SLC43A2: variants seen among roughly 807,000 people sequenced by gnomAD.
SLC43A2 encodes the protein large neutral amino acids transporter small subunit 4.
A neutral mutation model predicts 63.2 loss-of-function variants in SLC43A2; 38 were observed. The ratio of observed to expected loss-of-function variants is 0.60; its 90% CI spans 0.46 to 0.79. The LOEUF is 0.79. Among genes scored for constraint, SLC43A2 ranks in the 30% least tolerant of loss-of-function variants. The probability of loss-of-function intolerance (pLI) is 0.00; values close to 1 mark genes in which losing one functional copy is unlikely to be tolerated. For missense variants in SLC43A2, 644 were observed against 756.2 expected, an observed-to-expected ratio of 0.85 and a Z score of 1.74; for synonymous variants, 322 against 331.0, an observed-to-expected ratio of 0.97 and a Z score of 0.30.
chr17:1,600,838 GT>G lies in SLC43A2; in HGVS notation c.502-7560del, dbSNP rs111474628. Reference sequence around the variant, plus strand: ...CTCTCAAAGTGTTGGGATGACAGGCGTGAACCATTGCGCCCAGACTTTTTTT... The same window carrying G: ...CTCTCAAAGTGTTGGGATGACAGGCGGAACCATTGCGCCCAGACTTTTTTT... On this transcript the variant is annotated intron_variant, in intron 5 of 13. Transcript: ENST00000301335. 9.9e-3 allele frequency among the ~76,000 whole-genome samples: 1,500 copies of G among 151,432 alleles called. 35 individuals are homozygous for G. Among genetic ancestry groups the G allele is most frequent in the African/African-American group, 0.034 (1,395 of 41,090 alleles).
rs2075955913 is a variant in SLC43A2, at chr17:1,577,717, G to C, written c.1424+533C>G. On this transcript the variant is annotated intron_variant, in intron 12 of 13. Coordinates refer to ENST00000301335, the MANE Select transcript of SLC43A2 (RefSeq NM_152346.3). This position sits in a 1 kb window ranked among gnomAD's most constrained non-coding sequence, Gnocchi z 4.9. ...CACTGTGGTTCCTTTTATGTTTCTGGGGCTTCTTGGAAAAAGATACAGGTT... is the reference window on the plus strand; with the variant it reads ...CACTGTGGTTCCTTTTATGTTTCTGCGGCTTCTTGGAAAAAGATACAGGTT... 1.3e-5 allele frequency among the ~76,000 whole-genome samples: 2 copies of C among 152,168 alleles called. No individual in the cohort carries two copies. The highest frequency in any genetic ancestry group is 2.9e-5 in the Non-Finnish European group (2 of 68,030).
rs761337650 is a variant in SLC43A2, at chr17:1,601,065, G to GTT, written c.502-7787_502-7786insAA. 5.3e-3 allele frequency among the ~76,000 whole-genome samples: 303 copies of GTT among 57,536 alleles called. 2 individuals carry two copies. Among genetic ancestry groups the GTT allele is most frequent in the Non-Finnish European group, 5.2e-3 (148 of 28,266 alleles). The allele number at this position is 57,536 out of a possible 152,430, so 37.7% of individuals were successfully genotyped here. ...GATTTTCCACCCCTCCCAGTTTGGT[G>GTT]GTGTTTGTTTGTTTGTTTGTTTGTT... On this transcript the variant is annotated intron_variant, in intron 5 of 13. Transcript: ENST00000301335.
intron 9 of SLC43A2, among the ~76,000 whole-genome samples, chr17:1,586,489 G>A (rs374443224): frequency 1.2e-4 from 18 of 152,240 alleles, no homozygotes; most frequent in Admixed American, 8.5e-4. Context: ...GAGGTCAGGA[G>A]TTCGAGACCA....
At chr17:1,629,244 C>T (rs1226865183), upstream of SLC43A2, among the ~76,000 whole-genome samples, 1 of 152,148 alleles carries the variant, frequency 6.6e-6, no homozygotes, top group Admixed American at 6.5e-5. Flanking sequence ...CCGCCGTCCC[C>T]AGCTGCCCCC....
chr17:1,627,818 G>A lies in SLC43A2; in HGVS notation c.57C>T (p.Ala19=), dbSNP rs1414466255. 2 of 1,592,674 alleles carry A rather than the reference G, an allele frequency of 1.3e-6. No individual in the cohort carries two copies. The highest frequency in any genetic ancestry group is 2.3e-5 in the East Asian group (1 of 43,754). The change falls in exon 2 of 14, where the codon GCC becomes GCT. Residue 19 remains alanine, a synonymous_variant. Coordinates refer to ENST00000301335, the MANE Select transcript of SLC43A2 (RefSeq NM_152346.3). ...HRRRWWMACT[A]VLENLLFSAV... ...CCGAGAAGAGGAGGTTCTCCAGCAC[G>A]GCCGTGCAGGCCATCCACCAGCGGC...
In SLC43A2 at chr17:1,576,590, C is replaced by A; in HGVS notation, c.1548+7G>T. On this transcript the variant is annotated splice_region_variant and intron_variant, in intron 13 of 13. Transcript: ENST00000301335. ...CCCATGACCCACCATCCCCCGACCC[C>A]TCTTACCCACAGAGGGTCTCCCTGG... 1 of 1,602,430 alleles carries A rather than the reference C, an allele frequency of 6.2e-7. No homozygotes were observed. Among genetic ancestry groups the A allele is most frequent in the South Asian group, 1.1e-5 (1 of 90,852 alleles).
intron 2 of SLC43A2, among the ~76,000 whole-genome samples, chr17:1,620,141 G>A (rs1908022367): frequency 6.6e-6 from 1 of 152,318 alleles, no homozygotes; most frequent in East Asian, 1.9e-4. Context: ...GAGGCAGGCG[G>A]ACCACTTGAG....
At chr17:1,607,367 A>C (rs1906714126) in intron 5 of SLC43A2, among the ~76,000 whole-genome samples, 1 of 152,138 alleles carries the variant, frequency 6.6e-6, no homozygotes, top group South Asian at 2.1e-4. Context: ...TATCAGAATG[A>C]GATTCGGCTC....
At chr17:1,576,767 GC>G in intron 12 of SLC43A2, 47 bp from the exon 13 acceptor site, 1 of 1,594,262 alleles carries the variant, frequency 6.3e-7, no homozygotes, top group Non-Finnish European at 8.5e-7. Flanking sequence ...CCTGGGCTTT[GC>G]TTGGCCCCAG....
At chr17:1,625,461 C>T (rs1908578825) in intron 2 of SLC43A2, among the ~76,000 whole-genome samples, 1 of 152,226 alleles carries the variant, frequency 6.6e-6, no homozygotes, top group African/African-American at 2.4e-5. Context: ...CAGGCTTTCA[C>T]AAGTCTAATT....
rs562524209 is a variant in SLC43A2, at chr17:1,600,043, CA to C, written c.502-6765del. On this transcript the variant is annotated intron_variant, in intron 5 of 13. Transcript: ENST00000301335. The stretch of plus-strand genomic sequence containing the variant: ...TGGGTGACAGAGCAAGACTCCGTCT[CA>C]AAAAAAAAAAAATCATTTATATTTG... 8.4e-3 allele frequency among the ~76,000 whole-genome samples: 742 copies of C among 88,572 alleles called. 7 individuals are homozygous for C. Among genetic ancestry groups the C allele is most frequent in the African/African-American group, 0.028 (654 of 22,954 alleles). 58.1% of individuals were successfully genotyped at this position (88,572 alleles called of 152,430 possible). A position where few individuals can be genotyped will look rare whatever the true frequency, so the allele number is the denominator to read the frequency against.
intron 5 of SLC43A2, among the ~76,000 whole-genome samples, chr17:1,600,043 CAAA>C (rs562524209): frequency 2.3e-5 from 2 of 88,610 alleles, no homozygotes; most frequent in Admixed American, 1.2e-4. Context: ...GACTCCGTCT[CAAA>C]AAAAAAAAAA....
At chr17:1,613,911 C>A (rs1181963202) in intron 4 of SLC43A2, among the ~76,000 whole-genome samples, 1 of 151,928 alleles carries the variant, frequency 6.6e-6, no homozygotes, top group East Asian at 1.9e-4. Flanking sequence ...CCAGCCTGGG[C>A]AACAAAGTGA....
intron 5 of SLC43A2, among the ~76,000 whole-genome samples, chr17:1,612,986 AG>A (rs1567641879): frequency 2.0e-5 from 3 of 151,456 alleles, no homozygotes; most frequent in Admixed American, 1.3e-4. Flanking sequence ...AAAAAAAAAA[AG>A]GCAAGGGATT....
chr17:1,596,184 G>C (rs914845915), intron 5 of SLC43A2, among the ~76,000 whole-genome samples: 2 of 152,078 alleles, frequency 1.3e-5, no homozygotes, highest in African/African-American at 4.8e-5. Flanking sequence ...GCCGGGCGTG[G>C]TGGTGGACGC....
At chr17:1,599,197 G>A (rs538714970) in intron 5 of SLC43A2, among the ~76,000 whole-genome samples, 10 of 152,014 alleles carry the variant, frequency 6.6e-5, no homozygotes, top group African/African-American at 1.2e-4. Flanking sequence ...AAAATTAGCC[G>A]GGTGTGGCGG....
intron 2 of SLC43A2, among the ~76,000 whole-genome samples, chr17:1,626,759 C>G (rs1007276181): frequency 6.6e-6 from 1 of 152,198 alleles, no homozygotes; most frequent in African/African-American, 2.4e-5. Flanking sequence ...TAAGGGCACT[C>G]TAGCACTGGC....
In SLC43A2 at chr17:1,575,477, G is replaced by A; in HGVS notation, c.*127C>T. On this transcript the variant is annotated 3_prime_UTR_variant, in exon 14 of 14. Transcript: ENST00000301335. ...ACAGAGCTCCGAGGCAGGGCCCCGG[G>A]AGGGAGCGTGAACGCTGGCACGGAG... 8.0e-7 allele frequency: 1 copy of A among 1,255,390 alleles called. No homozygotes were observed. The highest frequency in any genetic ancestry group is 1.1e-6 in the Non-Finnish European group (1 of 876,710). 77.8% of individuals were successfully genotyped at this position (1,255,390 alleles called of 1,614,324 possible).
intron 10 of SLC43A2, among the ~76,000 whole-genome samples, chr17:1,584,714 G>A (rs1453163080): frequency 1.3e-5 from 2 of 151,934 alleles, no homozygotes; most frequent in Admixed American, 1.3e-4. Context: ...CAGATACTTG[G>A]AAGCCTGAGG....
Sources: allele counts gnomAD v4.1 joint callset (sites outside exome capture counted in the v4.1 genomes callset), GRCh38; gene constraint gnomAD v4.1.1; non-coding constraint Gnocchi (gnomAD v3.1); transcripts MANE v1.5; gene names NCBI Gene and HGNC (gene_info 2026-07-23, HGNC 2026-07-21).